The following TM7SF3 variants were observed in gnomAD, a reference collection of about 807,000 sequenced individuals.
TM7SF3 encodes transmembrane 7 superfamily member 3.
Under a neutral mutation model 65.5 loss-of-function variants are expected in TM7SF3, and 60 were observed. That is an observed-to-expected ratio of 0.92 (90% CI 0.74 to 1.14). The LOEUF is 1.14. Among genes scored for constraint, TM7SF3 ranks in the 50% most tolerant of loss-of-function variants. The probability of loss-of-function intolerance (pLI) is 0.00; values close to 1 mark genes in which losing one functional copy is unlikely to be tolerated. For synonymous variants in TM7SF3, 264 were observed against 259.6 expected (o/e 1.02, Z -0.16); for missense variants, 623 against 684.8 (o/e 0.91, Z 1.01).
chr12:27,008,370 A>G (rs1941119943), intron 1 of TM7SF3, among the ~76,000 whole-genome samples: 1 of 152,196 alleles, frequency 6.6e-6, no homozygotes, highest in South Asian at 2.1e-4. Context: ...TCTTTTACAC[A>G]TATTAAAAAT....
At chr12:26,975,462 C>A in intron 11 of TM7SF3, 34 bp downstream of exon 11, 1 of 1,612,174 alleles carries the variant, frequency 6.2e-7, no homozygotes. Context: ...TCCTACTGTG[C>A]TGTCACACTG....
intron 1 of TM7SF3, among the ~76,000 whole-genome samples, chr12:27,007,070 T>A (rs955097317): frequency 2.0e-5 from 3 of 152,156 alleles, no homozygotes; most frequent in African/African-American, 7.2e-5. Context: ...GTCTAAGATA[T>A]CCAGAAATAA....
At chr12:27,013,014 A>T (rs1418056137) in intron 1 of TM7SF3, 2 of 234,816 alleles carry the variant, frequency 8.5e-6, no homozygotes, top group Non-Finnish European at 1.7e-5. Context: ...AAAAAAAAAA[A>T]GTCACCTGAA....
At chr12:26,986,018 C>T (rs10842822) in intron 6 of TM7SF3, among the ~76,000 whole-genome samples, 102,672 of 148,972 alleles carry the variant, frequency 0.69, 35,648 homozygotes, top group African/African-American at 0.73. Context: ...TTAGTAGAGA[C>T]GGGGTTTCAC....
At chr12:26,997,807 T>A (rs1940659102) in intron 3 of TM7SF3, among the ~76,000 whole-genome samples, 1 of 149,062 alleles carries the variant, frequency 6.7e-6, no homozygotes, top group Non-Finnish European at 1.5e-5. Context: ...CTCCGTAGAC[T>A]GTAACTTACC....
At chr12:26,983,598 T>C (rs1468085186) in intron 6 of TM7SF3, 15 of 453,538 alleles carry the variant, frequency 3.3e-5, no homozygotes, top group Non-Finnish European at 6.7e-5. Flanking sequence ...ACAGCACAGC[T>C]GAAACAAGAT....
intron 2 of TM7SF3, among the ~76,000 whole-genome samples, chr12:27,000,486 G>T (rs565329739): frequency 1.4e-4 from 21 of 152,032 alleles, no homozygotes; most frequent in African/African-American, 4.8e-4. Context: ...TTGAGATGGA[G>T]TCTCGCTCTG....
At chr12:26,975,721 C>T (rs1226536690) in intron 10 of TM7SF3, 63 bp from the exon 11 acceptor site, 19 of 1,534,222 alleles carry the variant, frequency 1.2e-5, no homozygotes, top group Non-Finnish European at 1.7e-5. Flanking sequence ...TTATAACTCT[C>T]CACTGGCTTC....
chr12:26,975,654 T>C lies in TM7SF3; in HGVS notation c.1292A>G (p.Asn431Ser). 1 of 1,599,872 alleles carries C rather than the reference T, an allele frequency of 6.3e-7. No individual in the cohort carries two copies. Among genetic ancestry groups the C allele is most frequent in the East Asian group, 2.3e-5 (1 of 43,846 alleles). The part of the protein sequence containing the change: ...VVFMGCLRIL[N>S]ILTCGVIGSY... ...GCCAATGACTCCACAAGTCAGTATG[T>C]TCAGCTGTGGAAGAGTGGAAGAGTT... The change falls in exon 11 of 12, where the codon AAC becomes AGC. Residue 431 changes from asparagine to serine, a missense_variant. Coordinates refer to ENST00000343028, the MANE Select transcript of TM7SF3 (RefSeq NM_016551.3).
At chr12:26,987,292 C>T (rs983400899) in intron 6 of TM7SF3, among the ~76,000 whole-genome samples, 16 of 152,152 alleles carry the variant, frequency 1.1e-4, no homozygotes, top group Non-Finnish European at 2.2e-4. Flanking sequence ...TGAACTTGTC[C>T]AAAACTGAAC....
chr12:26,980,580 G>A lies in TM7SF3; in HGVS notation c.1022C>T (p.Pro341Leu). The change falls in exon 8 of 12, where the codon CCT becomes CTT. Residue 341 changes from proline (P) to leucine (L), a missense_variant. Transcript: ENST00000343028. ...TTTTCACTTACCATCATACTTGATA[G>A]GTGTCAGTCTTGTAATCAGTATATA... Reference protein sequence around the residue: ...FFYILITRLTPIKYDVNLILT... With the variant: ...FFYILITRLTLIKYDVNLILT... 2.0e-6 allele frequency: 3 copies of A among 1,519,446 alleles called. No homozygotes were observed. Among genetic ancestry groups the A allele is most frequent in the Non-Finnish European group, 2.7e-6 (3 of 1,098,162 alleles). 94.1% of individuals were successfully genotyped at this position (1,519,446 alleles called of 1,614,324 possible).
chr12:26,995,263 G>T lies in TM7SF3; in HGVS notation c.664C>A (p.Pro222Thr). 1 of 1,614,060 alleles carries T rather than the reference G, an allele frequency of 6.2e-7. No homozygotes were observed. The highest frequency in any genetic ancestry group is 8.5e-7 in the Non-Finnish European group (1 of 1,180,002). ...TTGAGAGCACTGGCCTTCACCTGGG[G>T]CACACTGACCATCCTCTGCAGATGC... ...LKHLQRMVSV[P>T]QVKASALKVV... Residue 222 changes from proline (P) to threonine (T), a missense_variant, in exon 5 of 12, where the codon CCC becomes ACC. By Grantham distance (38) the Pro-to-Thr change is conservative. Coordinates refer to ENST00000343028, the MANE Select transcript of TM7SF3 (RefSeq NM_016551.3).
At position 26,975,662 on chromosome 12, in the gene TM7SF3, TGGAAGAG is replaced by T. The variant is rs1377076425; in HGVS notation, c.1288-11_1288-5del. 1 of 1,541,134 alleles carries T rather than the reference TGGAAGAG, an allele frequency of 6.5e-7. No individual in the cohort carries two copies. The highest frequency in any genetic ancestry group is 8.7e-7 in the Non-Finnish European group (1 of 1,152,962). ...CTCCACAAGTCAGTATGTTCAGCTGTGGAAGAGTGGAAGAGTTTAGGCATCATCCATG... is the reference window on the plus strand; with the variant it reads ...CTCCACAAGTCAGTATGTTCAGCTGTTGGAAGAGTTTAGGCATCATCCATG... On this transcript the variant is annotated splice_polypyrimidine_tract_variant and splice_region_variant and intron_variant, in intron 10 of 11. Coordinates refer to ENST00000343028, the MANE Select transcript of TM7SF3 (RefSeq NM_016551.3).
intron 11 of TM7SF3, 63 bp from the exon 12 acceptor site, chr12:26,974,290 C>T (rs890968525): frequency 6.6e-7 from 1 of 1,521,096 alleles, no homozygotes; most frequent in East Asian, 2.3e-5. Flanking sequence ...CATAATAATA[C>T]AACCCTTCAT....
At chr12:26,986,688 A>C (rs1337979364) in intron 6 of TM7SF3, among the ~76,000 whole-genome samples, 1 of 152,094 alleles carries the variant, frequency 6.6e-6, no homozygotes, top group Non-Finnish European at 1.5e-5. Context: ...CTTTAGAGCA[A>C]AGCTCCTTGA....
intron 1 of TM7SF3, among the ~76,000 whole-genome samples, chr12:27,005,432 G>A (rs1192547518): frequency 1.3e-5 from 2 of 152,058 alleles, no homozygotes; most frequent in African/African-American, 2.4e-5. Flanking sequence ...GTTATCCAAG[G>A]CTTCTGTAAT....
intron 1 of TM7SF3, among the ~76,000 whole-genome samples, chr12:27,009,526 A>C (rs1481470191): frequency 6.6e-6 from 1 of 151,872 alleles, no homozygotes; most frequent in Non-Finnish European, 1.5e-5. Flanking sequence ...ATGTTTCTTG[A>C]GGCTATTTTA....
At chr12:26,991,306 C>T (rs1940355737) in intron 5 of TM7SF3, among the ~76,000 whole-genome samples, 1 of 151,342 alleles carries the variant, frequency 6.6e-6, no homozygotes, top group South Asian at 2.1e-4. Flanking sequence ...GCGCCCGCCA[C>T]CGCGCCCGGC....
intron 6 of TM7SF3, among the ~76,000 whole-genome samples, chr12:26,988,352 C>T (rs750629824): frequency 1.7e-4 from 26 of 152,242 alleles, no homozygotes; most frequent in African/African-American, 2.6e-4. Context: ...TTTGTAGAGA[C>T]GGAGTTTCGC....
Sources: allele counts gnomAD v4.1 joint callset (sites outside exome capture counted in the v4.1 genomes callset), GRCh38; gene constraint gnomAD v4.1.1; transcripts MANE v1.5; gene names NCBI Gene and HGNC (gene_info 2026-07-23, HGNC 2026-07-21).